The following CUX1 variants were observed in gnomAD, a reference collection of about 807,000 sequenced individuals.
The protein encoded by CUX1 is protein CASP.
A neutral mutation model predicts 158.8 loss-of-function variants in CUX1; 31 were observed. The observed-to-expected ratio is 0.20, with a 90% CI of 0.15 to 0.26. The LOEUF (loss-of-function observed/expected upper bound fraction) is 0.26. Among genes scored for constraint, CUX1 ranks in the 10% least tolerant of loss-of-function variants. The pLI is 1.00. For missense variants in CUX1, 1,589 were observed against 2,014.6 expected (o/e 0.79, Z 4.04); for synonymous variants, 879 against 862.1 (o/e 1.02, Z -0.34).
intron 2 of CUX1, among the ~76,000 whole-genome samples, chr7:101,974,130 G>C (rs6465840): frequency 0.094 from 14,167 of 151,082 alleles, 2,322 homozygotes; most frequent in African/African-American, 0.33. Flanking sequence ...GAGTGCGGTG[G>C]CACAATCTCA....
Position 102,252,990 on chromosome 7 carries a change from A to G in CUX1, c.*3948A>G. Reference sequence around the variant, plus strand: ...CTGAGAAATGCCAGGATCGTGGCTCACAGGGACCCACCATCAAAACCTGCT... The same window carrying G: ...CTGAGAAATGCCAGGATCGTGGCTCGCAGGGACCCACCATCAAAACCTGCT... On this transcript the variant is annotated 3_prime_UTR_variant, in exon 24 of 24. Coordinates refer to ENST00000292535, the MANE Select transcript of CUX1 (RefSeq NM_181552.4). 1.0e-6 allele frequency: 1 copy of G among 985,444 alleles called. No homozygotes were observed. Among genetic ancestry groups the G allele is most frequent in the Non-Finnish European group, 1.2e-6 (1 of 829,940 alleles). 61.0% of individuals were successfully genotyped at this position (985,444 alleles called of 1,614,324 possible).
At chr7:101,827,187 C>A (rs1481221513) in intron 1 of CUX1, among the ~76,000 whole-genome samples, 1 of 151,990 alleles carries the variant, frequency 6.6e-6, no homozygotes, top group East Asian at 1.9e-4. Context: ...CTGCTGTTCC[C>A]CCTACCCCAC....
chr7:101,951,203 C>T (rs1035812820), intron 2 of CUX1, among the ~76,000 whole-genome samples: 8 of 151,914 alleles, frequency 5.3e-5, no homozygotes, highest in African/African-American at 1.2e-4. Context: ...TGGTGGCGCA[C>T]GCCTGTGGTC....
At chr7:102,026,232 T>C (rs1057433710) in intron 2 of CUX1, among the ~76,000 whole-genome samples, 4 of 152,132 alleles carry the variant, frequency 2.6e-5, no homozygotes, top group African/African-American at 4.8e-5. Context: ...TCTGCAATGA[T>C]GGAAAAATTC....
chr7:102,141,944 A>G (rs141537764), intron 8 of CUX1, among the ~76,000 whole-genome samples: 4 of 151,970 alleles, frequency 2.6e-5, no homozygotes, highest in Non-Finnish European at 5.9e-5. Flanking sequence ...CCTGGTCCCA[A>G]CCTTTCCTTA....
chr7:102,128,180 CAA>C (rs1554495985), intron 8 of CUX1, among the ~76,000 whole-genome samples: 1 of 152,230 alleles, frequency 6.6e-6, no homozygotes, highest in East Asian at 1.9e-4. Flanking sequence ...CATCATCAGA[CAA>C]GAGCGTTTGG....
chr7:101,908,398 G>A (rs749531128), intron 1 of CUX1, among the ~76,000 whole-genome samples: 2 of 151,980 alleles, frequency 1.3e-5, no homozygotes, highest in African/African-American at 2.4e-5. Context: ...TGCTCGCCTC[G>A]GCCTCCCAAA....
chr7:102,270,637 A>G (rs1292052858), intron 14 of CUX1, among the ~76,000 whole-genome samples: 1 of 151,876 alleles, frequency 6.6e-6, no homozygotes, highest in Non-Finnish European at 1.5e-5. Flanking sequence ...ACCCCAAGCC[A>G]CCTCTTCAGG....
intron 2 of CUX1, among the ~76,000 whole-genome samples, chr7:102,014,564 C>T (rs996869025): frequency 6.6e-6 from 1 of 152,166 alleles, no homozygotes; most frequent in East Asian, 1.9e-4. Context: ...TTCCTAGCCG[C>T]GTGCTGCTCT....
chr7:101,830,316 T>G (rs1793843081), intron 1 of CUX1, among the ~76,000 whole-genome samples: 1 of 152,206 alleles, frequency 6.6e-6, no homozygotes, highest in African/African-American at 2.4e-5. Context: ...TCTAAGAGAC[T>G]GATTTCATAA....
At chr7:101,899,232 C>A (rs888049294) in intron 1 of CUX1, among the ~76,000 whole-genome samples, 1 of 152,180 alleles carries the variant, frequency 6.6e-6, no homozygotes, top group African/African-American at 2.4e-5. Context: ...ATCACAATCC[C>A]CTCCCTGCCA....
Position 102,227,558 on chromosome 7 carries a change from C to T in CUX1, c.3322C>T (p.Leu1108Phe). 1 of 1,614,202 alleles carries T rather than the reference C, an allele frequency of 6.2e-7. No individual in the cohort carries two copies. Among genetic ancestry groups the T allele is most frequent in the Non-Finnish European group, 8.5e-7 (1 of 1,180,042 alleles). The change falls in exon 21 of 24, where the codon CTC becomes TTC. Residue 1108 changes from leucine to phenylalanine, a missense_variant. Physicochemically the swap from Leu to Phe is conservative, Grantham distance 22. Coordinates refer to ENST00000292535, the MANE Select transcript of CUX1 (RefSeq NM_181552.4). ...CTCCCAGCCCACAACCCCGCTGCCT[C>T]TCTCCGGACACTCGGCCCTCAGCAT... ...SDSQPTTPLPLSGHSALSIQE... is the reference protein window; with the variant it reads ...SDSQPTTPLPFSGHSALSIQE...
chr7:102,110,002 T>TTTGCTGGAA (rs1563256138), intron 6 of CUX1, among the ~76,000 whole-genome samples: 1 of 152,104 alleles, frequency 6.6e-6, no homozygotes, highest in East Asian at 1.9e-4. Context: ...GAGAACTATG[T>TTTGCTGGAA]TTGCTGGAAT....
Position 102,088,435 on chromosome 7 carries a change from C to T in CUX1, c.269-8929C>T, listed in dbSNP as rs187173429. Among the ~76,000 whole-genome samples the T allele has an allele frequency of 2.8e-4, 42 of 152,108 alleles. No individual in the cohort carries two copies. The East Asian group carries it at 7.3e-3, about 27-fold the overall frequency. ...ATCGCTTGAGGTCTGGAGCTGGAGA[C>T]CAGCCTGGCCAATATGGTTAAAGCC... On this transcript the variant is annotated intron_variant, in intron 4 of 23. Coordinates refer to ENST00000292535, the MANE Select transcript of CUX1 (RefSeq NM_181552.4).
intron 11 of CUX1, among the ~76,000 whole-genome samples, chr7:102,178,877 T>C (rs1261426056): frequency 6.6e-6 from 1 of 152,182 alleles, no homozygotes; most frequent in South Asian, 2.1e-4. Context: ...TCCCTCTTTT[T>C]TTTTGGAGTC....
rs1348714017 is a variant in CUX1 at position 102,256,852 on chromosome 7, C to A, written c.*7810C>A. ...CTTGCAAGGCCCGCATGGGTTGATA[C>A]GTTTTGGTTGGTTTTTTGTTGTTGT... is the stretch of plus-strand genomic sequence containing the variant. On this transcript the variant is annotated 3_prime_UTR_variant, in exon 24 of 24. Coordinates refer to ENST00000292535, the MANE Select transcript of CUX1 (RefSeq NM_181552.4). 3.0e-6 allele frequency: 3 copies of A among 985,300 alleles called. No individual in the cohort carries two copies. The highest frequency in any genetic ancestry group is 3.5e-5 in the African/African-American group (2 of 57,224). The allele number at this position is 985,300 out of a possible 1,614,324, so 61.0% of individuals were successfully genotyped here. A position where few individuals can be genotyped will look rare whatever the true frequency, so the allele number is the denominator to read the frequency against.
chr7:102,108,771 T>TGTGTGTGTGTGTGTG (rs1554489271), intron 6 of CUX1, among the ~76,000 whole-genome samples: 11 of 151,122 alleles, frequency 7.3e-5, no homozygotes, highest in East Asian at 1.9e-4. Context: ...TGTGTGTGTG[T>TGTGTGTGTGTGTGTG]TTTGAGACAA....
Position 102,170,398 on chromosome 7 carries a change from T to C in CUX1, c.724-48T>C, listed in dbSNP as rs781868493. On this transcript the variant is annotated intron_variant, in intron 9 of 23. Coordinates refer to ENST00000292535, the MANE Select transcript of CUX1 (RefSeq NM_181552.4). ...GAATGTTCTTGTAATAATTGTCAGT[T>C]GTTAAACTGAATGTACTTTCTCTTT... 81 of 1,310,962 alleles carry C rather than the reference T, an allele frequency of 6.2e-5. 2 individuals carry two copies. The South Asian group carries it at 1.0e-3, about 17-fold the overall frequency. The allele number at this position is 1,310,962 out of a possible 1,614,324, so 81.2% of individuals were successfully genotyped here. A position where few individuals can be genotyped will look rare whatever the true frequency, so the allele number is the denominator to read the frequency against.
intron 1 of CUX1, among the ~76,000 whole-genome samples, chr7:101,866,826 A>G (rs893620131): frequency 6.6e-6 from 1 of 152,234 alleles, no homozygotes; most frequent in Non-Finnish European, 1.5e-5. Context: ...TTGCCCTCTA[A>G]GCATTTTATT....
Sources: gnomAD v4.1 joint callset for allele counts (sites outside exome capture counted in the v4.1 genomes callset) on GRCh38, gnomAD v4.1.1 for gene constraint, MANE v1.5 for transcripts, NCBI Gene and HGNC (gene_info 2026-07-23, HGNC 2026-07-21) for gene names.